Variants in CNTN4 observed in about 807,000 individuals in gnomAD.
CNTN4 encodes contactin-4.
In CNTN4, 77 loss-of-function variants were observed where a neutral mutation model predicts 122.5. That is an observed-to-expected ratio of 0.63 (90% CI 0.52 to 0.76). CNTN4 has a LOEUF of 0.76. CNTN4 is among the 30% of genes least tolerant of loss of function. The pLI is 0.00. For missense variants in CNTN4, 1,256 were observed against 1,259.1 expected (o/e 1.00, Z 0.04); for synonymous variants, 512 against 447.0 (o/e 1.15, Z -1.83).
At chr3:2,705,165 G>A (rs146030732) in intron 4 of CNTN4, among the ~76,000 whole-genome samples, 2,511 of 151,144 alleles carry the variant, frequency 0.017, 71 homozygotes, top group African/African-American at 0.057. Flanking sequence ...TCAGGAGATC[G>A]AGACCATCCT....
At chr3:2,130,581 G>A (rs1178369731) in intron 2 of CNTN4, among the ~76,000 whole-genome samples, 1 of 152,084 alleles carries the variant, frequency 6.6e-6, no homozygotes, top group East Asian at 1.9e-4. Context: ...TTGTTCCTTT[G>A]GCACAATTTG....
intron 6 of CNTN4, among the ~76,000 whole-genome samples, chr3:2,764,426 G>T (rs1268640218): frequency 6.6e-6 from 1 of 152,204 alleles, no homozygotes; most frequent in Non-Finnish European, 1.5e-5. Flanking sequence ...TGCTGTGGTG[G>T]CATAGAGCAT....
chr3:2,507,634 C>T lies in CNTN4; in HGVS notation c.-88-63782C>T, dbSNP rs1490001028. On this transcript the variant is annotated intron_variant, in intron 3 of 24. Coordinates refer to ENST00000418658, the MANE Select transcript of CNTN4 (RefSeq NM_175607.3). ...CCTGTAATCCCAGCTACTCGGGAGG[C>T]TGAGGCAGGAGAATCACTTGAACCC... 2.7e-5 allele frequency among the ~76,000 whole-genome samples: 4 copies of T among 150,878 alleles called. No homozygotes were observed. The East Asian group carries it at 7.9e-4, about 30-fold the overall frequency.
At chr3:2,219,308 T>G (rs1307271498) in intron 2 of CNTN4, among the ~76,000 whole-genome samples, 2 of 152,266 alleles carry the variant, frequency 1.3e-5, no homozygotes, top group African/African-American at 4.8e-5. Flanking sequence ...AAAATTGTTT[T>G]GGATTTTTGT....
chr3:2,525,759 A>C (rs2149189551), intron 3 of CNTN4, among the ~76,000 whole-genome samples: 2 of 152,302 alleles, frequency 1.3e-5, no homozygotes, highest in Middle Eastern at 6.8e-3. Flanking sequence ...GAAAATGTAT[A>C]TGTAGAGGTG....
At chr3:2,574,077 A>G (rs1005546114) in intron 4 of CNTN4, among the ~76,000 whole-genome samples, 3 of 152,118 alleles carry the variant, frequency 2.0e-5, no homozygotes, top group Non-Finnish European at 4.4e-5. Flanking sequence ...TTAGCAAGGC[A>G]TGGTGGTGTA....
chr3:2,827,103 T>C (rs2093003117), intron 7 of CNTN4, among the ~76,000 whole-genome samples: 1 of 152,194 alleles, frequency 6.6e-6, no homozygotes, highest in Admixed American at 6.5e-5. Flanking sequence ...CCTTGGCTAT[T>C]GACATTTGCC....
chr3:3,009,530 T>A (rs1696992072), intron 14 of CNTN4, among the ~76,000 whole-genome samples: 1 of 150,930 alleles, frequency 6.6e-6, no homozygotes, highest in South Asian at 2.1e-4. Context: ...GCCCCCCGGG[T>A]TCCCGCCATT....
At chr3:2,954,394 C>A (rs1355939456) in intron 13 of CNTN4, among the ~76,000 whole-genome samples, 1 of 152,212 alleles carries the variant, frequency 6.6e-6, no homozygotes, top group Non-Finnish European at 1.5e-5. Context: ...TATGTCTGGT[C>A]TTTCTCTCTT....
At chr3:2,267,915 C>G (rs972802627) in intron 2 of CNTN4, among the ~76,000 whole-genome samples, 1 of 151,698 alleles carries the variant, frequency 6.6e-6, no homozygotes, top group African/African-American at 2.4e-5. Context: ...CCTATGGAAC[C>G]TGTTGACTTT....
intron 2 of CNTN4, among the ~76,000 whole-genome samples, chr3:2,142,682 T>A (rs1391208484): frequency 2.0e-5 from 3 of 152,114 alleles, no homozygotes; most frequent in Non-Finnish European, 4.4e-5. Context: ...AATCTTCCCC[T>A]CCATTACCAG....
intron 3 of CNTN4, among the ~76,000 whole-genome samples, chr3:2,515,016 C>T (rs1454391326): frequency 1.3e-5 from 2 of 151,984 alleles, no homozygotes; most frequent in Non-Finnish European, 1.5e-5. Context: ...GCCTCCCTCT[C>T]TCTCTTTTTC....
chr3:2,853,857 G>T (rs1222810507), intron 7 of CNTN4, among the ~76,000 whole-genome samples: 7 of 152,196 alleles, frequency 4.6e-5, no homozygotes, highest in Non-Finnish European at 1.0e-4. Context: ...CCTGAGGTAT[G>T]ATTGGTCTCC....
At chr3:2,855,004 GA>G (rs1385050772) in intron 7 of CNTN4, among the ~76,000 whole-genome samples, 8 of 152,090 alleles carry the variant, frequency 5.3e-5, no homozygotes, top group African/African-American at 1.7e-4. Context: ...ATTTTCCTAC[GA>G]AATATATTTA....
chr3:2,214,642 A>G (rs990583208), intron 2 of CNTN4, among the ~76,000 whole-genome samples: 3 of 152,188 alleles, frequency 2.0e-5, no homozygotes, highest in Admixed American at 2.0e-4. Flanking sequence ...CAAAAAAATC[A>G]CAAGGTCAGA....
chr3:2,811,294 G>T (rs984944810), intron 6 of CNTN4, among the ~76,000 whole-genome samples: 1 of 150,674 alleles, frequency 6.6e-6, no homozygotes, highest in African/African-American at 2.4e-5. Context: ...TGTAATCTCA[G>T]CTACTCTGGA....
rs1363141122 is a variant in CNTN4, at chr3:2,961,778, C to T, written c.1359-26567C>T. Reference sequence around the variant, plus strand: ...ATGAAATAAGCAGACTGGAGTTTAGCCATGGTGCAATGCTTTGAGGGCGAA... The same window carrying T: ...ATGAAATAAGCAGACTGGAGTTTAGTCATGGTGCAATGCTTTGAGGGCGAA... On this transcript the variant is annotated intron_variant, in intron 13 of 24. Coordinates refer to ENST00000418658, the MANE Select transcript of CNTN4 (RefSeq NM_175607.3). Among the ~76,000 whole-genome samples the T allele has an allele frequency of 2.0e-5, 3 of 152,220 alleles. No individual in the cohort carries two copies. In the East Asian group the frequency reaches 5.8e-4, roughly 29 times the overall value.
chr3:2,873,400 G>A (rs1577113821), intron 8 of CNTN4, among the ~76,000 whole-genome samples: 2 of 152,130 alleles, frequency 1.3e-5, no homozygotes, highest in East Asian at 1.9e-4. Context: ...AGAAAACTAG[G>A]TGCATTCAGT....
intron 7 of CNTN4, among the ~76,000 whole-genome samples, chr3:2,839,780 G>A (rs566544300): frequency 5.3e-5 from 8 of 152,238 alleles, no homozygotes; most frequent in Non-Finnish European, 1.2e-4. Flanking sequence ...ATTTCCATGG[G>A]TTACACTTGA....
Sources: allele counts gnomAD v4.1 joint callset (sites outside exome capture counted in the v4.1 genomes callset), GRCh38; gene constraint gnomAD v4.1.1; transcripts MANE v1.5; gene names NCBI Gene and HGNC (gene_info 2026-07-23, HGNC 2026-07-21).